Variants in CLEC16A observed in about 807,000 individuals in gnomAD.
CLEC16A encodes the protein C-type lectin domain containing 16A, also known as protein CLEC16A.
Under a neutral mutation model 109.5 loss-of-function variants are expected in CLEC16A, and 51 were observed. The ratio of observed to expected loss-of-function variants is 0.47; its 90% CI spans 0.37 to 0.59. CLEC16A has a LOEUF of 0.59. Among genes scored for constraint, CLEC16A ranks in the 20% least tolerant of loss-of-function variants. The probability of loss-of-function intolerance (pLI) is 0.00; values close to 1 mark genes in which losing one functional copy is unlikely to be tolerated. For missense variants in CLEC16A, 1,339 were observed against 1,394.0 expected (o/e 0.96, Z 0.63); for synonymous variants, 673 against 564.2 (o/e 1.19, Z -2.73).
At chr16:11,071,702 T>C (rs1028728310) in intron 19 of CLEC16A, among the ~76,000 whole-genome samples, 2 of 150,474 alleles carry the variant, frequency 1.3e-5, no homozygotes, top group Non-Finnish European at 3.0e-5. Flanking sequence ...TCATCCCACC[T>C]TAGCCTCTTG....
At chr16:11,036,036 C>T (rs191287911) in intron 13 of CLEC16A, 19 of 152,628 alleles carry the variant, frequency 1.2e-4, no homozygotes, top group African/African-American at 4.6e-4. Context: ...CCTCTGCTCT[C>T]TGCCTCCCAG....
At chr16:11,017,033 G>A (rs988605602) in intron 11 of CLEC16A, among the ~76,000 whole-genome samples, 2 of 151,410 alleles carry the variant, frequency 1.3e-5, no homozygotes, top group Non-Finnish European at 2.9e-5. Flanking sequence ...GCCAAGGGGT[G>A]CCTGCAGGTA....
At chr16:11,114,810 C>G (rs78450762) in intron 19 of CLEC16A, among the ~76,000 whole-genome samples, 2 of 152,188 alleles carry the variant, frequency 1.3e-5, no homozygotes, top group African/African-American at 4.8e-5. Flanking sequence ...TCCTTGATCT[C>G]CCTTGCGGAT....
At chr16:11,078,879 TTCTCTC>T (rs1375758327) in intron 19 of CLEC16A, among the ~76,000 whole-genome samples, 1 of 152,164 alleles carries the variant, frequency 6.6e-6, no homozygotes, top group Non-Finnish European at 1.5e-5. Context: ...CTGTTTACGC[TTCTCTC>T]CCTCTCCTCT....
At chr16:11,009,810 C>A (rs1262121424) in intron 11 of CLEC16A, among the ~76,000 whole-genome samples, 1 of 152,194 alleles carries the variant, frequency 6.6e-6, no homozygotes, top group Non-Finnish European at 1.5e-5. Context: ...ATAAGTATTT[C>A]TACCACTGCA....
chr16:11,118,705 C>G (rs1445581606), intron 19 of CLEC16A, among the ~76,000 whole-genome samples: 4 of 152,202 alleles, frequency 2.6e-5, no homozygotes, highest in African/African-American at 9.7e-5. Context: ...GTCATACATT[C>G]TTTGCATAGA....
At chr16:10,987,223 C>G (rs557383059) in intron 10 of CLEC16A, among the ~76,000 whole-genome samples, 1 of 151,932 alleles carries the variant, frequency 6.6e-6, no homozygotes, top group African/African-American at 2.4e-5. Context: ...GCAGTTGTAA[C>G]AGATAATACA....
chr16:10,997,609 C>T (rs1301871535), intron 10 of CLEC16A, among the ~76,000 whole-genome samples: 1 of 152,126 alleles, frequency 6.6e-6, no homozygotes, highest in African/African-American at 2.4e-5. Flanking sequence ...GTAAATAGTG[C>T]TGGTAATAAA....
chr16:11,102,404 T>C (rs2050972424), intron 19 of CLEC16A, among the ~76,000 whole-genome samples: 1 of 152,210 alleles, frequency 6.6e-6, no homozygotes, highest in African/African-American at 2.4e-5. Context: ...ACAGCTTGTC[T>C]CCACCAGAGG....
chr16:11,157,987 G>A (rs564163927), intron 22 of CLEC16A, among the ~76,000 whole-genome samples: 4 of 152,222 alleles, frequency 2.6e-5, no homozygotes, highest in Admixed American at 1.3e-4. Flanking sequence ...CTAGTAAGCC[G>A]CAATCTGTCC....
chr16:11,059,871 T>C (rs564099258), intron 18 of CLEC16A, among the ~76,000 whole-genome samples: 1 of 152,324 alleles, frequency 6.6e-6, no homozygotes, highest in South Asian at 2.1e-4. Context: ...CTAGTGGAAC[T>C]GGGAATCTGA....
intron 18 of CLEC16A, among the ~76,000 whole-genome samples, chr16:11,059,670 GACCC>G (rs1340859642): frequency 6.6e-6 from 1 of 152,132 alleles, no homozygotes; most frequent in African/African-American, 2.4e-5. Context: ...TAAACAAGAA[GACCC>G]AAAGGCGCAC....
At chr16:11,112,420 G>T (rs777927985) in intron 19 of CLEC16A, among the ~76,000 whole-genome samples, 5 of 149,632 alleles carry the variant, frequency 3.3e-5, no homozygotes, top group Admixed American at 6.7e-5. Flanking sequence ...AGCACTTTGG[G>T]AGGCCAAGGC....
intron 1 of CLEC16A, among the ~76,000 whole-genome samples, chr16:10,955,070 T>C (rs1389255613): frequency 1.3e-5 from 2 of 152,140 alleles, no homozygotes; most frequent in East Asian, 3.8e-4. Flanking sequence ...GTGTAGAATC[T>C]GAGCTGCAGA....
chr16:11,065,819 G>A (rs1475582901), intron 19 of CLEC16A, among the ~76,000 whole-genome samples: 1 of 152,224 alleles, frequency 6.6e-6, no homozygotes, highest in Non-Finnish European at 1.5e-5. Flanking sequence ...GGGAGAGAGG[G>A]TGCTGTGTCC....
chr16:11,116,463 G>A (rs1054369926), intron 19 of CLEC16A, among the ~76,000 whole-genome samples: 2 of 152,086 alleles, frequency 1.3e-5, no homozygotes, highest in African/African-American at 4.8e-5. Context: ...TTGCTGTGGG[G>A]GTACCTGGCT....
Position 10,962,557 on chromosome 16 carries a change from C to G in CLEC16A, c.312C>G (p.Leu104=), listed in dbSNP as rs1249464360. 1 of 1,613,914 alleles carries G rather than the reference C, an allele frequency of 6.2e-7. No individual in the cohort carries two copies. The highest frequency in any genetic ancestry group is 1.3e-5 in the African/African-American group (1 of 75,030). ...CVQLLQTLNI[L]FENISHETSL... is the part of the protein sequence containing the mutation. ...AGCTGCTGCAGACCTTGAACATCCT[C>G]TTTGAGAACATCAGTCACGAGACCT... is the stretch of plus-strand genomic sequence containing the variant. Residue 104 remains leucine (L), a synonymous_variant, in exon 3 of 24, where the codon CTC becomes CTG. Transcript: ENST00000409790.
chr16:10,956,865 C>T (rs1234540461), intron 1 of CLEC16A, among the ~76,000 whole-genome samples: 1 of 151,354 alleles, frequency 6.6e-6, no homozygotes, highest in Admixed American at 6.6e-5. Flanking sequence ...GGTGTGATCT[C>T]GGCTCACTGC....
At chr16:11,021,930 C>T (rs2046124955) in intron 12 of CLEC16A, among the ~76,000 whole-genome samples, 1 of 151,890 alleles carries the variant, frequency 6.6e-6, no homozygotes, top group South Asian at 2.1e-4. Flanking sequence ...AGAGAAACAC[C>T]CATGTATTTC....
Sources: gnomAD v4.1 joint callset for allele counts (sites outside exome capture counted in the v4.1 genomes callset) on GRCh38, gnomAD v4.1.1 for gene constraint, MANE v1.5 for transcripts, NCBI Gene and HGNC (gene_info 2026-07-23, HGNC 2026-07-21) for gene names.